RIMS4: variants seen among roughly 807,000 people sequenced by gnomAD.
The protein encoded by RIMS4 is regulating synaptic membrane exocytosis protein 4.
In RIMS4, 9 loss-of-function variants were observed where a neutral mutation model predicts 29.0. The observed-to-expected ratio is 0.31, with a 90% CI of 0.19 to 0.54. The LOEUF (loss-of-function observed/expected upper bound fraction) is 0.54, where lower values mean the gene tolerates loss of function less well. Ranked by LOEUF, RIMS4 falls within the 20% of genes least tolerant of loss-of-function variation. The probability of loss-of-function intolerance (pLI) is 0.94; values close to 1 mark genes in which losing one functional copy is unlikely to be tolerated. For synonymous variants in RIMS4, 130 were observed against 152.9 expected (o/e 0.85, Z 1.10); for missense variants, 193 against 365.7 (o/e 0.53, Z 3.85).
Position 44,756,484 on chromosome 20 carries a change from C to T in RIMS4, c.592-132G>A. ...CTACCTCCTTAAAACTGCAATTCCTCAACAGGCCTTTCTTATCACGGGGCA... is the reference window on the plus strand; with the variant it reads ...CTACCTCCTTAAAACTGCAATTCCTTAACAGGCCTTTCTTATCACGGGGCA... On this transcript the variant is annotated intron_variant, in intron 5 of 5. Coordinates refer to ENST00000372851, the MANE Select transcript of RIMS4 (RefSeq NM_182970.4). The surrounding 1 kb of genome is among the most constrained non-coding windows in gnomAD (Gnocchi z 5.9). 1.4e-6 allele frequency: 1 copy of T among 704,174 alleles called. No homozygotes were observed. 43.6% of individuals were successfully genotyped at this position (704,174 alleles called of 1,614,324 possible).
intron 1 of RIMS4, among the ~76,000 whole-genome samples, chr20:44,782,758 G>T (rs1197167682): frequency 1.3e-5 from 2 of 152,154 alleles, no homozygotes; most frequent in Non-Finnish European, 2.9e-5. Flanking sequence ...ACTTTTAAAA[G>T]AAAAGGAAGG....
chr20:44,766,196 C>T (rs1056012636), intron 2 of RIMS4, among the ~76,000 whole-genome samples: 2 of 152,198 alleles, frequency 1.3e-5, no homozygotes, highest in East Asian at 3.9e-4. Flanking sequence ...TCAACCTCAG[C>T]TCTCCTGCCA....
At position 44,758,071 on chromosome 20, in the gene RIMS4, C is replaced by T. The variant is rs1409362352; in HGVS notation, c.349+1G>A. ...TTTGAAACCAGCCTTGGGGCACTCA[C>T]CCATGGGTGTGGTGGCCAGGGTCTG... On this transcript the variant is annotated splice_donor_variant, in intron 3 of 5. Coordinates refer to ENST00000372851, the MANE Select transcript of RIMS4 (RefSeq NM_182970.4). LOFTEE classifies it high-confidence loss of function. 6.2e-7 allele frequency: 1 copy of T among 1,603,574 alleles called. No individual in the cohort carries two copies. Among genetic ancestry groups the T allele is most frequent in the Non-Finnish European group, 8.5e-7 (1 of 1,173,538 alleles).
Position 44,752,642 on chromosome 20 carries a change from G to A in RIMS4, c.*3492C>T, listed in dbSNP as rs151255634. ...CTTGTGAGGGCCGAAGGGCACACTC[G>A]AGATAAAAGCATTCTGAAAACAAAG... On this transcript the variant is annotated 3_prime_UTR_variant, in exon 6 of 6. Transcript: ENST00000372851. 8.2e-3 allele frequency: 1,252 copies of A among 152,496 alleles called. 18 individuals carry two copies. Among genetic ancestry groups the A allele is most frequent in the African/African-American group, 0.029 (1,190 of 41,580 alleles). The allele number at this position is 152,496 out of a possible 1,614,324, so 9.4% of individuals were successfully genotyped here. A position where few individuals can be genotyped will look rare whatever the true frequency, so the allele number is the denominator to read the frequency against.
chr20:44,767,539 A>G (rs940729609), intron 2 of RIMS4, among the ~76,000 whole-genome samples: 1 of 152,276 alleles, frequency 6.6e-6, no homozygotes, highest in African/African-American at 2.4e-5. Context: ...TGAACTACCA[A>G]ACCATCCTGG....
At chr20:44,797,516 C>T (rs985513730) in intron 1 of RIMS4, among the ~76,000 whole-genome samples, 6 of 152,224 alleles carry the variant, frequency 3.9e-5, no homozygotes, top group African/African-American at 1.4e-4. Flanking sequence ...TTTCTCACTC[C>T]CATCCTGGGG....
At chr20:44,779,895 G>C (rs1259257921) in intron 1 of RIMS4, among the ~76,000 whole-genome samples, 1 of 152,154 alleles carries the variant, frequency 6.6e-6, no homozygotes, top group Non-Finnish European at 1.5e-5. Context: ...GAAGAAGTGA[G>C]GCTAAAGATT....
At chr20:44,800,419 G>T (rs1163607219) in intron 1 of RIMS4, among the ~76,000 whole-genome samples, 1 of 151,994 alleles carries the variant, frequency 6.6e-6, no homozygotes, top group Non-Finnish European at 1.5e-5. Flanking sequence ...CTTGTACCAG[G>T]GATGGGACAT....
chr20:44,804,523 G>T (rs760601508), intron 1 of RIMS4, among the ~76,000 whole-genome samples: 2 of 152,192 alleles, frequency 1.3e-5, no homozygotes, highest in African/African-American at 2.4e-5. Context: ...ATGATGAAAT[G>T]ATGGTTGCTA....
chr20:44,772,591 AGCCAGGACAC>A (rs1317640935), intron 1 of RIMS4, among the ~76,000 whole-genome samples: 1 of 152,206 alleles, frequency 6.6e-6, no homozygotes, highest in Non-Finnish European at 1.5e-5. Context: ...TAAGGTGGGG[AGCCAGGACAC>A]AGCCCCGGGA....
At chr20:44,800,516 T>C (rs933857134) in intron 1 of RIMS4, among the ~76,000 whole-genome samples, 1 of 151,854 alleles carries the variant, frequency 6.6e-6, no homozygotes, top group African/African-American at 2.4e-5. Context: ...ATATATTACC[T>C]AATCCAAAAA....
intron 1 of RIMS4, among the ~76,000 whole-genome samples, chr20:44,781,192 G>A (rs1415718358): frequency 6.6e-6 from 1 of 152,052 alleles, no homozygotes; most frequent in Non-Finnish European, 1.5e-5. Flanking sequence ...GCCTATTCAG[G>A]GCCAGATCCT....
intron 2 of RIMS4, among the ~76,000 whole-genome samples, chr20:44,765,882 C>T (rs937584843): frequency 6.6e-6 from 1 of 152,176 alleles, no homozygotes; most frequent in Non-Finnish European, 1.5e-5. Context: ...AGAGAGGATG[C>T]CAAGGCCCTG....
chr20:44,791,885 T>C (rs1414998354), intron 1 of RIMS4, among the ~76,000 whole-genome samples: 5 of 152,144 alleles, frequency 3.3e-5, no homozygotes, highest in Admixed American at 2.6e-4. Context: ...CCACCCCCTT[T>C]CCTAGCTCCA....
intron 2 of RIMS4, among the ~76,000 whole-genome samples, chr20:44,769,743 T>C (rs2066128614): frequency 6.6e-6 from 1 of 152,136 alleles, no homozygotes; most frequent in Non-Finnish European, 1.5e-5. Flanking sequence ...TTCACGAGGC[T>C]GAAGATGCCC....
intron 1 of RIMS4, among the ~76,000 whole-genome samples, chr20:44,803,357 G>C (rs543291352): frequency 5.9e-5 from 9 of 152,270 alleles, no homozygotes; most frequent in African/African-American, 2.2e-4. Flanking sequence ...TTCCCTACTT[G>C]CTTAATGAGG....
intron 1 of RIMS4, among the ~76,000 whole-genome samples, chr20:44,783,029 T>C (rs2066191757): frequency 6.6e-6 from 1 of 152,210 alleles, no homozygotes; most frequent in Admixed American, 6.5e-5. Flanking sequence ...CTCAGTAAAT[T>C]GCAGCTACTA....
At chr20:44,796,677 T>C (rs2066256597) in intron 1 of RIMS4, among the ~76,000 whole-genome samples, 1 of 152,064 alleles carries the variant, frequency 6.6e-6, no homozygotes, top group South Asian at 2.1e-4. Flanking sequence ...CTGGAGGAGG[T>C]GACCCTGGAG....
chr20:44,761,279 G>A (rs184905895), intron 2 of RIMS4, among the ~76,000 whole-genome samples: 7 of 152,256 alleles, frequency 4.6e-5, no homozygotes, highest in East Asian at 3.9e-4. Context: ...TAGATGAGCC[G>A]GAGAGTTAAG....
Sources: allele counts gnomAD v4.1 joint callset (sites outside exome capture counted in the v4.1 genomes callset), GRCh38; gene constraint gnomAD v4.1.1; non-coding constraint Gnocchi (gnomAD v3.1); transcripts MANE v1.5; gene names NCBI Gene and HGNC (gene_info 2026-07-23, HGNC 2026-07-21).